GALNT13: variants seen among roughly 807,000 people sequenced by gnomAD.
GALNT13 encodes polypeptide N-acetylgalactosaminyltransferase 13.
In GALNT13, 28 loss-of-function variants were observed where a neutral mutation model predicts 64.2. That is an observed-to-expected ratio of 0.44 (90% confidence interval 0.32 to 0.60). The LOEUF is 0.60. GALNT13 is among the 20% of genes least tolerant of loss of function. The probability of loss-of-function intolerance (pLI) is 0.05; values close to 1 mark genes in which losing one functional copy is unlikely to be tolerated. For missense variants in GALNT13, 577 were observed against 669.8 expected (o/e 0.86, Z 1.53); for synonymous variants, 214 against 224.6 (o/e 0.95, Z 0.42).
the GALNT13 span, among the ~76,000 whole-genome samples, chr2:153,396,702 TG>T: frequency 2.6e-5 from 4 of 152,146 alleles, no homozygotes; most frequent in Non-Finnish European, 5.9e-5. Context: ...AATAAAATGA[TG>T]CTCCTATCAT....
chr2:154,149,947 A>G (rs1466919123), intron 4 of GALNT13, among the ~76,000 whole-genome samples: 1 of 152,214 alleles, frequency 6.6e-6, no homozygotes, highest in East Asian at 1.9e-4. Context: ...TTCCCTGGCC[A>G]GAACGTCCAA....
the GALNT13 span, among the ~76,000 whole-genome samples, chr2:153,496,002 A>T: frequency 6.6e-6 from 1 of 152,196 alleles, no homozygotes. Context: ...AACTGACAGG[A>T]AACCAAAGGT....
chr2:153,679,639 C>A, the GALNT13 span, among the ~76,000 whole-genome samples: 1 of 151,838 alleles, frequency 6.6e-6, no homozygotes, highest in Non-Finnish European at 1.5e-5. Flanking sequence ...TACATCATAT[C>A]CAAAAATAAA....
At chr2:154,449,481 A>T (rs573339953) in intron 12 of GALNT13, among the ~76,000 whole-genome samples, 9,468 of 75,468 alleles carry the variant, frequency 0.13, 350 homozygotes, top group Middle Eastern at 0.14. Flanking sequence ...GGTAATTTGC[A>T]AAAAAAAAAG....
At chr2:153,782,870 T>C in the GALNT13 span, among the ~76,000 whole-genome samples, 1 of 152,174 alleles carries the variant, frequency 6.6e-6, no homozygotes, top group Non-Finnish European at 1.5e-5. Flanking sequence ...GACTAAAATA[T>C]CTGCCAACAA....
chr2:154,420,700 A>G (rs1398005492), intron 11 of GALNT13, among the ~76,000 whole-genome samples: 2 of 152,114 alleles, frequency 1.3e-5, no homozygotes, highest in African/African-American at 4.8e-5. Context: ...TCAAGGACAT[A>G]ATTATTTTCA....
the GALNT13 span, among the ~76,000 whole-genome samples, chr2:153,280,133 A>G: frequency 1.5e-4 from 23 of 152,010 alleles, no homozygotes; most frequent in Non-Finnish European, 3.1e-4. Flanking sequence ...CATTTCCTCT[A>G]GGTTTTCTAG....
chr2:153,553,637 A>G, the GALNT13 span, among the ~76,000 whole-genome samples: 1 of 152,244 alleles, frequency 6.6e-6, no homozygotes, highest in African/African-American at 2.4e-5. Flanking sequence ...GAGTTTAAAG[A>G]TATAAAATTA....
At chr2:153,981,463 G>C (rs952775630) in intron 3 of GALNT13, among the ~76,000 whole-genome samples, 1 of 152,084 alleles carries the variant, frequency 6.6e-6, no homozygotes, top group South Asian at 2.1e-4. Flanking sequence ...GAGAACATGC[G>C]GTGTTTGGTT....
the GALNT13 span, among the ~76,000 whole-genome samples, chr2:153,393,483 T>C: frequency 1.2e-4 from 19 of 152,224 alleles, 1 homozygote; most frequent in East Asian, 2.5e-3. Flanking sequence ...TTCTTTTTTT[T>C]CCCAAATAAT....
chr2:153,178,830 G>A, the GALNT13 span, among the ~76,000 whole-genome samples: 1 of 148,226 alleles, frequency 6.7e-6, no homozygotes, highest in African/African-American at 2.5e-5. Flanking sequence ...CTGCTGCCTG[G>A]GTTCAAGCAA....
chr2:153,449,737 T>C, the GALNT13 span: 1 of 155,390 alleles, frequency 6.4e-6, no homozygotes, highest in Non-Finnish European at 1.4e-5. Context: ...AGGGCTGCTC[T>C]ATGCTTTCAA....
chr2:153,771,618 G>A, the GALNT13 span, among the ~76,000 whole-genome samples: 1 of 152,116 alleles, frequency 6.6e-6, no homozygotes, highest in East Asian at 1.9e-4. Context: ...CTGTGAGACG[G>A]GAAGTTATCA....
At chr2:153,300,790 G>C in the GALNT13 span, among the ~76,000 whole-genome samples, 1 of 152,020 alleles carries the variant, frequency 6.6e-6, no homozygotes, top group Non-Finnish European at 1.5e-5. Context: ...GACGTGTATT[G>C]GTAGAAAGAG....
In GALNT13 at chr2:154,061,815, G is replaced by T. The variant is rs541431445; in HGVS notation, c.143-78522G>T. Among the ~76,000 whole-genome samples, 5 of 152,066 alleles carry T rather than the reference G, an allele frequency of 3.3e-5. No homozygotes were observed. The East Asian group carries it at 9.7e-4, about 29-fold the overall frequency. On this transcript the variant is annotated intron_variant, in intron 3 of 12. Transcript: ENST00000392825. ...GTTTTCATTAGGAGAAATTGCTTTC[G>T]TCATAATTTTAGCAGTCATTTAGCA...
At chr2:153,571,906 C>CTT in the GALNT13 span, among the ~76,000 whole-genome samples, 3 of 149,930 alleles carry the variant, frequency 2.0e-5, no homozygotes, top group African/African-American at 7.3e-5. Context: ...TTGGAGTTTT[C>CTT]TTTTTTTTTG....
chr2:153,719,903 C>A, the GALNT13 span, among the ~76,000 whole-genome samples: 1 of 152,130 alleles, frequency 6.6e-6, no homozygotes, highest in Non-Finnish European at 1.5e-5. Flanking sequence ...CGCCATTGCC[C>A]AGGCTTGCTT....
At chr2:153,916,681 A>C (rs1042281620) in intron 2 of GALNT13, among the ~76,000 whole-genome samples, 4 of 152,322 alleles carry the variant, frequency 2.6e-5, no homozygotes, top group Middle Eastern at 3.4e-3. Flanking sequence ...TTCATTGCAT[A>C]GGAAATAGTC....
Position 154,353,411 on chromosome 2 carries a change from T to TA in GALNT13, c.1157-42579dup, listed in dbSNP as rs543825356. 2.2e-4 allele frequency among the ~76,000 whole-genome samples: 33 copies of TA among 152,304 alleles called. No individual in the cohort carries two copies. In the South Asian group the frequency reaches 6.6e-3, roughly 31 times the overall value. ...TAACATATCCATCACCTCACATAGT[T>TA]ACGTGTGTGTGGTGTGACAGGAGCA... On this transcript the variant is annotated intron_variant, in intron 9 of 12. Coordinates refer to ENST00000392825, the MANE Select transcript of GALNT13 (RefSeq NM_052917.4).
Sources: gnomAD v4.1 joint callset for allele counts (sites outside exome capture counted in the v4.1 genomes callset) on GRCh38, gnomAD v4.1.1 for gene constraint, MANE v1.5 for transcripts, NCBI Gene and HGNC (gene_info 2026-07-23, HGNC 2026-07-21) for gene names.